The following NELL1 variants were observed in gnomAD, a reference collection of about 807,000 sequenced individuals.
The protein encoded by NELL1 is protein kinase C-binding protein NELL1.
A neutral mutation model predicts 107.4 loss-of-function variants in NELL1; 76 were observed. The ratio of observed to expected loss-of-function variants is 0.71; its 90% confidence interval spans 0.59 to 0.86. The LOEUF is 0.86. NELL1 is among the 40% of genes least tolerant of loss of function. NELL1 has a pLI of 0.00. For missense variants in NELL1, 1,024 were observed against 1,005.5 expected (o/e 1.02, Z -0.25); for synonymous variants, 353 against 341.2 (o/e 1.03, Z -0.38).
intron 12 of NELL1, among the ~76,000 whole-genome samples, chr11:21,027,157 A>G (rs181321594): frequency 2.7e-4 from 41 of 152,310 alleles, no homozygotes; most frequent in Admixed American, 9.8e-4. Flanking sequence ...GAAAAGTGCT[A>G]AACACTTTGT....
chr11:21,002,188 A>G (rs1434740504), intron 12 of NELL1, among the ~76,000 whole-genome samples: 3 of 152,186 alleles, frequency 2.0e-5, no homozygotes. Flanking sequence ...TTTCACAGCC[A>G]TTTCAGCATC....
intron 15 of NELL1, among the ~76,000 whole-genome samples, chr11:21,420,380 G>T (rs914061901): frequency 2.6e-5 from 4 of 152,134 alleles, no homozygotes; most frequent in Non-Finnish European, 5.9e-5. Context: ...TAAAGGAGTT[G>T]TAAAAATGAT....
intron 17 of NELL1, among the ~76,000 whole-genome samples, chr11:21,567,071 C>A (rs531200581): frequency 6.6e-6 from 1 of 151,838 alleles, no homozygotes; most frequent in Non-Finnish European, 1.5e-5. Context: ...GTGCAGCGAC[C>A]TTTTCTGAAA....
intron 12 of NELL1, among the ~76,000 whole-genome samples, chr11:21,078,720 A>G (rs1854198578): frequency 6.6e-6 from 1 of 152,088 alleles, no homozygotes; most frequent in Non-Finnish European, 1.5e-5. Context: ...CATACCTGCA[A>G]TATATGAGAG....
At chr11:21,352,118 C>T (rs543574357) in intron 14 of NELL1, among the ~76,000 whole-genome samples, 7 of 152,198 alleles carry the variant, frequency 4.6e-5, no homozygotes, top group South Asian at 2.1e-4. Flanking sequence ...GGCCTGTTCT[C>T]GGTCTTCCTT....
intron 2 of NELL1, among the ~76,000 whole-genome samples, chr11:20,733,933 ACT>A (rs1201835654): frequency 6.6e-6 from 1 of 151,092 alleles, no homozygotes. Flanking sequence ...ATATAATAAG[ACT>A]CTGTTAGTGA....
At chr11:20,911,804 A>T (rs1850137611) in intron 5 of NELL1, among the ~76,000 whole-genome samples, 1 of 152,158 alleles carries the variant, frequency 6.6e-6, no homozygotes, top group South Asian at 2.1e-4. Flanking sequence ...TTCTCCTTAG[A>T]ATCCTGGATG....
intron 4 of NELL1, among the ~76,000 whole-genome samples, chr11:20,878,358 C>CAAAACA (rs1849346393): frequency 1.0e-5 from 1 of 95,768 alleles, no homozygotes; most frequent in South Asian, 4.5e-4. Context: ...GACCCCGTCT[C>CAAAACA]AAAAAAAAAA....
At chr11:21,213,999 T>C (rs1265677359) in intron 13 of NELL1, among the ~76,000 whole-genome samples, 3 of 152,148 alleles carry the variant, frequency 2.0e-5, no homozygotes, top group Admixed American at 2.0e-4. Context: ...TTAAAACTTT[T>C]GCATTGTGAA....
At chr11:20,993,859 G>A (rs1376787931) in intron 12 of NELL1, among the ~76,000 whole-genome samples, 30 of 144,494 alleles carry the variant, frequency 2.1e-4, no homozygotes, top group Admixed American at 3.5e-4. Context: ...GGGACCCATG[G>A]ATACAGAGAG....
intron 2 of NELL1, among the ~76,000 whole-genome samples, chr11:20,707,570 G>A (rs1854999205): frequency 6.6e-6 from 1 of 152,182 alleles, no homozygotes; most frequent in Non-Finnish European, 1.5e-5. Context: ...CTTTCTGTTT[G>A]TTAGTTTTCC....
At chr11:20,963,201 T>C (rs529064887) in intron 12 of NELL1, among the ~76,000 whole-genome samples, 5 of 152,126 alleles carry the variant, frequency 3.3e-5, no homozygotes, top group Non-Finnish European at 7.4e-5. Context: ...CTTGTCTGTG[T>C]GAGGTTCTGT....
At chr11:21,106,923 G>T (rs1299111354) in intron 12 of NELL1, among the ~76,000 whole-genome samples, 1 of 151,996 alleles carries the variant, frequency 6.6e-6, no homozygotes, top group African/African-American at 2.4e-5. Flanking sequence ...AATTTTCTCT[G>T]GGTCTTTACT....
intron 12 of NELL1, among the ~76,000 whole-genome samples, chr11:20,991,991 C>CATA (rs1851986156): frequency 9.1e-6 from 1 of 110,056 alleles, no homozygotes; most frequent in Admixed American, 8.9e-5. Context: ...GTGTAGCATG[C>CATA]AAAAAAAAAA....
At chr11:21,222,088 T>C (rs1351252090) in intron 13 of NELL1, among the ~76,000 whole-genome samples, 1 of 152,182 alleles carries the variant, frequency 6.6e-6, no homozygotes, top group Non-Finnish European at 1.5e-5. Context: ...TTCTTATTTT[T>C]CCTTAGTCTA....
In NELL1 at chr11:21,411,711, T is replaced by A. The variant is rs528976323; in HGVS notation, c.1645+40763T>A. 4.2e-4 allele frequency among the ~76,000 whole-genome samples: 64 copies of A among 152,180 alleles called. No homozygotes were observed. The South Asian group carries it at 8.9e-3, about 21-fold the overall frequency. ...CTACAATGGACAAATATTACTTTTT[T>A]TAAAAAGACGAGATTCAATGAGGTA... On this transcript the variant is annotated intron_variant, in intron 15 of 19. Transcript: ENST00000357134.
intron 14 of NELL1, among the ~76,000 whole-genome samples, chr11:21,261,064 C>G (rs7127842): frequency 0.023 from 3,531 of 151,802 alleles, 140 homozygotes; most frequent in African/African-American, 0.08. Context: ...CAACTGTATT[C>G]AGTTATCAAA....
At chr11:21,533,928 T>A (rs1189160213) in intron 15 of NELL1, among the ~76,000 whole-genome samples, 39 of 152,178 alleles carry the variant, frequency 2.6e-4, no homozygotes, top group Non-Finnish European at 7.3e-5. Context: ...GGCTGTCATT[T>A]AAAAAAATCA....
At chr11:21,151,379 C>T (rs189182393) in intron 13 of NELL1, among the ~76,000 whole-genome samples, 5 of 152,182 alleles carry the variant, frequency 3.3e-5, no homozygotes, top group East Asian at 3.9e-4. Context: ...GACTTCTGAT[C>T]GCAACTTACA....
Sources: allele counts gnomAD v4.1 joint callset (sites outside exome capture counted in the v4.1 genomes callset), GRCh38; gene constraint gnomAD v4.1.1; transcripts MANE v1.5; gene names NCBI Gene and HGNC (gene_info 2026-07-23, HGNC 2026-07-21).